PABPC4L: variants seen among roughly 807,000 people sequenced by gnomAD.
PABPC4L encodes the protein poly(A) binding protein cytoplasmic 4 like, also known as polyadenylate-binding protein 4-like.
For missense variants in PABPC4L, 452 were observed against 451.4 expected (o/e 1.00, Z -0.01); for synonymous variants, 169 against 164.1 (o/e 1.03, Z -0.23).
At chr4:133,948,498 C>G in the PABPC4L span, among the ~76,000 whole-genome samples, 5 of 152,162 alleles carry the variant, frequency 3.3e-5, no homozygotes, top group African/African-American at 9.7e-5. Context: ...GAGAGTTCTC[C>G]CATGGGCTTA....
the PABPC4L span, among the ~76,000 whole-genome samples, chr4:134,012,644 G>A: frequency 1.3e-4 from 20 of 152,210 alleles, no homozygotes; most frequent in East Asian, 2.9e-3. Flanking sequence ...GACTTGGATC[G>A]GGGGACCTCC....
At chr4:134,064,018 A>C in the PABPC4L span, among the ~76,000 whole-genome samples, 1 of 152,108 alleles carries the variant, frequency 6.6e-6, no homozygotes, top group African/African-American at 2.4e-5. Context: ...ATTGATTTGA[A>C]TCACCAATTT....
the PABPC4L span, among the ~76,000 whole-genome samples, chr4:134,115,891 GA>G: frequency 6.6e-6 from 1 of 151,534 alleles, no homozygotes; most frequent in East Asian, 1.9e-4. Flanking sequence ...AGAGGAAGGA[GA>G]AAAATGGTGT....
At chr4:134,192,714 A>G (rs898875262), downstream of PABPC4L, among the ~76,000 whole-genome samples, 1 of 152,170 alleles carries the variant, frequency 6.6e-6, no homozygotes, top group African/African-American at 2.4e-5. Context: ...TAAACTCAGT[A>G]GTATGAAATG....
At chr4:134,125,278 G>A in the PABPC4L span, among the ~76,000 whole-genome samples, 1 of 151,566 alleles carries the variant, frequency 6.6e-6, no homozygotes, top group African/African-American at 2.4e-5. Flanking sequence ...TTTTACTTCT[G>A]TACATATTTC....
chr4:134,150,609 C>T, the PABPC4L span, among the ~76,000 whole-genome samples: 1 of 152,038 alleles, frequency 6.6e-6, no homozygotes, highest in African/African-American at 2.4e-5. Flanking sequence ...TTTGATTAAG[C>T]CAATTTCAAG....
the PABPC4L span, among the ~76,000 whole-genome samples, chr4:134,187,594 A>G: frequency 2.0e-5 from 3 of 151,624 alleles, no homozygotes; most frequent in Admixed American, 2.0e-4. Context: ...CCTAATGTAA[A>G]TGACACTCTG....
chr4:134,105,325 GA>G, the PABPC4L span, among the ~76,000 whole-genome samples: 1 of 151,608 alleles, frequency 6.6e-6, no homozygotes, highest in South Asian at 2.1e-4. Flanking sequence ...TTGGAATTCT[GA>G]AACTGATTTT....
the PABPC4L span, among the ~76,000 whole-genome samples, chr4:134,040,453 C>T: frequency 6.6e-6 from 1 of 151,962 alleles, no homozygotes; most frequent in Non-Finnish European, 1.5e-5. Context: ...CTTTGACAAA[C>T]CTGACAAAAA....
the PABPC4L span, among the ~76,000 whole-genome samples, chr4:134,027,449 A>G: frequency 6.6e-6 from 1 of 152,134 alleles, no homozygotes; most frequent in Non-Finnish European, 1.5e-5. Context: ...CATTGTGTAT[A>G]TATACTACAT....
the PABPC4L span, among the ~76,000 whole-genome samples, chr4:134,042,704 A>G: frequency 6.6e-6 from 1 of 152,154 alleles, no homozygotes; most frequent in Non-Finnish European, 1.5e-5. Context: ...AGAAATTTTA[A>G]TAAGTTTTGT....
the PABPC4L span, among the ~76,000 whole-genome samples, chr4:133,998,586 T>C: frequency 6.6e-6 from 1 of 152,096 alleles, no homozygotes; most frequent in Non-Finnish European, 1.5e-5. Flanking sequence ...GATCTGTGTT[T>C]GTTTTTAAGA....
the PABPC4L span, among the ~76,000 whole-genome samples, chr4:134,183,763 A>G: frequency 1.3e-5 from 2 of 151,952 alleles, no homozygotes; most frequent in Non-Finnish European, 2.9e-5. Flanking sequence ...CAAGAATTCT[A>G]CACAAAATCT....
chr4:134,087,965 G>C, the PABPC4L span, among the ~76,000 whole-genome samples: 1 of 151,960 alleles, frequency 6.6e-6, no homozygotes, highest in Non-Finnish European at 1.5e-5. Flanking sequence ...TCCTGCTTTG[G>C]GTGTTGATTA....
chr4:134,136,632 C>T, the PABPC4L span, among the ~76,000 whole-genome samples: 2 of 151,746 alleles, frequency 1.3e-5, no homozygotes, highest in Non-Finnish European at 2.9e-5. Context: ...TAAGAAAATT[C>T]TATTGTTCAC....
the PABPC4L span, among the ~76,000 whole-genome samples, chr4:134,159,797 G>A: frequency 6.6e-6 from 1 of 152,132 alleles, no homozygotes; most frequent in Non-Finnish European, 1.5e-5. Context: ...GTCACCAGCT[G>A]CAGAAGCCCG....
At chr4:133,993,038 C>T in the PABPC4L span, among the ~76,000 whole-genome samples, 2 of 152,082 alleles carry the variant, frequency 1.3e-5, no homozygotes, top group Admixed American at 1.3e-4. Flanking sequence ...TATCCTCTTT[C>T]CCATGTTAGC....
chr4:134,001,998 G>A, the PABPC4L span, among the ~76,000 whole-genome samples: 77 of 152,054 alleles, frequency 5.1e-4, no homozygotes, highest in African/African-American at 1.8e-3. Context: ...ATGAGATATT[G>A]ATTAAATAAT....
chr4:134,135,525 A>G, the PABPC4L span, among the ~76,000 whole-genome samples: 2 of 152,178 alleles, frequency 1.3e-5, no homozygotes, highest in Admixed American at 1.3e-4. Context: ...TTTTGAAAAA[A>G]ATTTGGATGT....
Sources: gnomAD v4.1 joint callset for allele counts (sites outside exome capture counted in the v4.1 genomes callset) on GRCh38, gnomAD v4.1.1 for gene constraint, MANE v1.5 for transcripts, NCBI Gene and HGNC (gene_info 2026-07-23, HGNC 2026-07-21) for gene names.